The following SLC9A7 variants were observed in gnomAD, a reference collection of about 807,000 sequenced individuals.
The protein encoded by SLC9A7 is sodium/hydrogen exchanger 7.
In SLC9A7, 19 loss-of-function variants were observed where a neutral mutation model predicts 52.6. That is an observed-to-expected ratio of 0.36 (90% CI 0.25 to 0.53). The LOEUF (loss-of-function observed/expected upper bound fraction) is 0.53, where lower values mean the gene tolerates loss of function less well. Among genes scored for constraint, SLC9A7 ranks in the 20% least tolerant of loss-of-function variants. The pLI, the probability that SLC9A7 is intolerant of heterozygous loss-of-function variation, is 0.91. For missense variants in SLC9A7, 455 were observed against 597.9 expected (o/e 0.76, Z 2.49); for synonymous variants, 226 against 252.1 (o/e 0.90, Z 0.98).
chrX:46,668,947 C>T (rs1390178932), intron 5 of SLC9A7, among the ~76,000 whole-genome samples: 1 of 111,036 alleles, frequency 9.0e-6, no homozygotes, highest in Non-Finnish European at 1.9e-5. Flanking sequence ...GCGGGTGGAT[C>T]ACGAAGTCAG....
chrX:46,661,331 C>T (rs1943817831), intron 7 of SLC9A7, among the ~76,000 whole-genome samples: 1 of 109,423 alleles, frequency 9.1e-6, no homozygotes, highest in African/African-American at 3.3e-5. Context: ...ATGTAACTAA[C>T]CTGCACATTG....
chrX:46,671,549 G>A lies in SLC9A7; in HGVS notation c.680+1002C>T, dbSNP rs952520533. ...CTCCCAAAGTGCTGGGATTACAGGC[G>A]TGAGCCACTTCGCCCTGCCAGACTT... On this transcript the variant is annotated intron_variant, in intron 4 of 16. Transcript: ENST00000616978. Among the ~76,000 whole-genome samples, 14 of 111,435 alleles carry A rather than the reference G, an allele frequency of 1.3e-4. No individual in the cohort carries two copies. In the South Asian group the frequency reaches 1.9e-3, roughly 15 times the overall value.
intron 1 of SLC9A7, among the ~76,000 whole-genome samples, chrX:46,724,457 G>A (rs184999170): frequency 1.7e-3 from 189 of 112,115 alleles, no homozygotes; most frequent in African/African-American, 5.5e-3. Context: ...TGTGGTTTCC[G>A]CAGTAGAGGT....
chrX:46,710,306 T>C (rs965216395), intron 1 of SLC9A7, among the ~76,000 whole-genome samples: 1 of 111,965 alleles, frequency 8.9e-6, no homozygotes, highest in African/African-American at 3.2e-5. Flanking sequence ...GACTGCCATG[T>C]GACAAGAAGA....
At chrX:46,655,667 C>CT (rs1447165012) in intron 7 of SLC9A7, among the ~76,000 whole-genome samples, 1 of 112,616 alleles carries the variant, frequency 8.9e-6, no homozygotes, top group Non-Finnish European at 1.9e-5. Context: ...TTCCGATGGG[C>CT]TTAAAAAACA....
At chrX:46,700,295 T>C (rs762793995) in intron 1 of SLC9A7, among the ~76,000 whole-genome samples, 4 of 111,829 alleles carry the variant, frequency 3.6e-5, no homozygotes, top group Non-Finnish European at 7.5e-5. Flanking sequence ...GGCTGAGGGA[T>C]CATTTAACAC....
chrX:46,755,150 T>A (rs1277904870), intron 1 of SLC9A7, among the ~76,000 whole-genome samples: 2 of 112,151 alleles, frequency 1.8e-5, no homozygotes, highest in Non-Finnish European at 3.8e-5. Flanking sequence ...GTGGGGGAGT[T>A]CCTTTCTGTT....
intron 16 of SLC9A7, among the ~76,000 whole-genome samples, chrX:46,609,076 GC>G (rs35415049): frequency 0.33 from 36,439 of 110,435 alleles, 5,804 homozygotes; most frequent in African/African-American, 0.6. Flanking sequence ...AAATCTCTCT[GC>G]CAGGGCTCTT....
At chrX:46,705,593 T>A (rs1213707067) in intron 1 of SLC9A7, among the ~76,000 whole-genome samples, 4 of 111,332 alleles carry the variant, frequency 3.6e-5, no homozygotes, top group East Asian at 2.8e-4. Context: ...ACAAAAAATT[T>A]AAAAAATTAG....
chrX:46,736,773 T>A (rs985613964), intron 1 of SLC9A7, among the ~76,000 whole-genome samples: 1 of 111,509 alleles, frequency 9.0e-6, no homozygotes, highest in African/African-American at 3.3e-5. Flanking sequence ...TCTCCATACT[T>A]GACTTTTAAG....
chrX:46,609,853 C>G (rs1184546942), intron 16 of SLC9A7, among the ~76,000 whole-genome samples: 1 of 110,991 alleles, frequency 9.0e-6, no homozygotes, highest in Non-Finnish European at 1.9e-5. Context: ...CATGGTGAAA[C>G]CATGTCTCTA....
intron 1 of SLC9A7, among the ~76,000 whole-genome samples, chrX:46,694,112 AATATACTCATGT>A (rs1944416902): frequency 9.1e-6 from 1 of 110,183 alleles, no homozygotes; most frequent in African/African-American, 3.3e-5. Flanking sequence ...ACCTGGGTGC[AATATACTCATGT>A]AACAAACCTA....
rs891833709 is a variant in SLC9A7, at chrX:46,635,515, G to T, written c.1676+74C>A. The T allele has an allele frequency of 9.5e-6, 8 of 846,214 alleles. No individual in the cohort carries two copies. The Admixed American group carries it at 1.9e-4, about 20-fold the overall frequency. The allele number at this position is 846,214 out of a possible 1,213,427, so 69.7% of individuals were successfully genotyped here. On this transcript the variant is annotated intron_variant, in intron 13 of 16. Transcript: ENST00000616978. ...GGAAGGAAGAGAAAAATAGTGTAAA[G>T]AGAAATATCTGAGGTTAGAAAGAGG...
chrX:46,711,913 C>T (rs1267297617), intron 1 of SLC9A7, among the ~76,000 whole-genome samples: 1 of 100,835 alleles, frequency 9.9e-6, no homozygotes, highest in Non-Finnish European at 1.9e-5. Context: ...CACACACACA[C>T]ACACACACAC....
At position 46,758,892 on chromosome X, in the gene SLC9A7, C is replaced by T. The variant is rs781951679; in HGVS notation, c.138G>A (p.Ala46=). ...CCATGGCGCTGCTGTCCTCCGCCGC[C>T]GCCCCAGAGGAGGAGGCCGAGGCCG... ...AAAASASSSG[A]AAEDSSAMEE... The change falls in exon 1 of 17, where the codon GCG becomes GCA. Residue 46 remains alanine (A), a synonymous_variant. Transcript: ENST00000616978. 8.4e-7 allele frequency: 1 copy of T among 1,184,297 alleles called. No homozygotes were observed. Among genetic ancestry groups the T allele is most frequent in the South Asian group, 1.9e-5 (1 of 53,107 alleles).
chrX:46,635,609 T>C lies in SLC9A7; in HGVS notation c.1656A>G (p.Glu552=). 8.3e-7 allele frequency: 1 copy of C among 1,210,483 alleles called. No individual in the cohort carries two copies. The highest frequency in any genetic ancestry group is 1.1e-6 in the Non-Finnish European group (1 of 894,518). ...GTCACCTGAAGTACTGCCAGTGGTG[T>C]TCATTCTGGTCCTCTTCGGAGGGCT... is the stretch of plus-strand genomic sequence containing the variant. ...VEEPSEEDQN[E]HHWQYFRVGV... Residue 552 remains glutamate (E), a synonymous_variant, in exon 13 of 17, where the codon GAA becomes GAG. Coordinates refer to ENST00000616978, the MANE Select transcript of SLC9A7 (RefSeq NM_001257291.2).
chrX:46,713,809 C>T (rs1056217465), intron 1 of SLC9A7, among the ~76,000 whole-genome samples: 14 of 110,138 alleles, frequency 1.3e-4, no homozygotes, highest in African/African-American at 4.6e-4. Context: ...TTTTCCTCTC[C>T]CTTCTTAATT....
At position 46,603,722 on chromosome X, in the gene SLC9A7, C is replaced by T. The variant is rs924281548; in HGVS notation, c.*3230G>A. 1 of 111,369 alleles carries T rather than the reference C, an allele frequency of 9.0e-6. No individual in the cohort carries two copies. Among genetic ancestry groups the T allele is most frequent in the Non-Finnish European group, 1.9e-5 (1 of 53,064 alleles). 9.2% of individuals were successfully genotyped at this position (111,369 alleles called of 1,213,427 possible). A position where few individuals can be genotyped will look rare whatever the true frequency, so the allele number is the denominator to read the frequency against. On this transcript the variant is annotated 3_prime_UTR_variant, in exon 17 of 17. Transcript: ENST00000616978. ...GGTGTGGTGGCATGTGCCTGTAATC[C>T]CAGCTACTCGGGAGGCTGAGGTAGG... is the stretch of plus-strand genomic sequence containing the variant.
chrX:46,645,394 A>G (rs774054554), intron 11 of SLC9A7, among the ~76,000 whole-genome samples: 3 of 111,527 alleles, frequency 2.7e-5, no homozygotes, highest in African/African-American at 9.8e-5. Flanking sequence ...TGAGGTCTCC[A>G]CTCTACCTAC....
Sources: gnomAD v4.1 joint callset for allele counts (sites outside exome capture counted in the v4.1 genomes callset) on GRCh38, gnomAD v4.1.1 for gene constraint, MANE v1.5 for transcripts, NCBI Gene and HGNC (gene_info 2026-07-23, HGNC 2026-07-21) for gene names.